MTUS2: variants seen among roughly 807,000 people sequenced by gnomAD.
MTUS2 encodes microtubule-associated tumor suppressor candidate 2.
In MTUS2, 40 loss-of-function variants were observed where a neutral mutation model predicts 114.1. That is an observed-to-expected ratio of 0.35 (90% CI 0.27 to 0.46). MTUS2 has a LOEUF of 0.46. Among genes scored for constraint, MTUS2 ranks in the 20% least tolerant of loss-of-function variants. The pLI is 1.00. For missense variants in MTUS2, 1,679 were observed against 1,705.4 expected, an observed-to-expected ratio of 0.98 and a Z score of 0.27; for synonymous variants, 688 against 672.0, an observed-to-expected ratio of 1.02 and a Z score of -0.37.
chr13:29,016,696 A>G (rs867641074), intron 2 of MTUS2, among the ~76,000 whole-genome samples: 4 of 152,138 alleles, frequency 2.6e-5, no homozygotes, highest in African/African-American at 7.2e-5. Context: ...TGCTACCTCA[A>G]TAAAAAAGAT....
chr13:29,471,644 C>T (rs1880305994), intron 9 of MTUS2, among the ~76,000 whole-genome samples: 1 of 152,096 alleles, frequency 6.6e-6, no homozygotes, highest in Non-Finnish European at 1.5e-5. Flanking sequence ...TCCTCCCTCC[C>T]ACTATTACCA....
At chr13:29,228,723 A>G (rs1288642022) in intron 5 of MTUS2, among the ~76,000 whole-genome samples, 1 of 152,090 alleles carries the variant, frequency 6.6e-6, no homozygotes, top group Admixed American at 6.6e-5. Context: ...GAGAGGATGA[A>G]GGAAGCAAAA....
At chr13:29,464,915 C>T (rs1267110080) in intron 9 of MTUS2, among the ~76,000 whole-genome samples, 4 of 145,652 alleles carry the variant, frequency 2.7e-5, no homozygotes, top group Non-Finnish European at 4.4e-5. Flanking sequence ...CTAATTCTAA[C>T]GCATGCTCGA....
At chr13:29,027,377 G>A (rs1218625592) in intron 3 of MTUS2, among the ~76,000 whole-genome samples, 4 of 152,128 alleles carry the variant, frequency 2.6e-5, no homozygotes, top group Non-Finnish European at 5.9e-5. Flanking sequence ...CGGTGTGTTA[G>A]GCATGGACTC....
Position 29,498,408 on chromosome 13 carries a change from G to T in MTUS2, c.3679-10G>T, listed in dbSNP as rs201305825. On this transcript the variant is annotated splice_polypyrimidine_tract_variant and intron_variant, in intron 13 of 15. Coordinates refer to ENST00000612955, the MANE Select transcript of MTUS2 (RefSeq NM_001033602.4). Reference sequence around the variant, plus strand: ...CCTGGTCAACAGCTCATGGCTCTCTGCCTCTGTAGATTGCATTGGCTCCTT... The same window carrying T: ...CCTGGTCAACAGCTCATGGCTCTCTTCCTCTGTAGATTGCATTGGCTCCTT... The T allele has an allele frequency of 1.1e-4, 180 of 1,614,000 alleles. 1 individual carries two copies. The East Asian group carries it at 3.6e-3, about 32-fold the overall frequency.
intron 5 of MTUS2, among the ~76,000 whole-genome samples, chr13:29,129,808 G>A (rs1468859485): frequency 6.6e-6 from 1 of 152,136 alleles, no homozygotes; most frequent in East Asian, 1.9e-4. Flanking sequence ...GTTGGGCTTG[G>A]GCTGTCATCA....
chr13:29,147,908 A>G (rs1462239039), intron 5 of MTUS2, among the ~76,000 whole-genome samples: 1 of 152,128 alleles, frequency 6.6e-6, no homozygotes, highest in African/African-American at 2.4e-5. Flanking sequence ...ATATGCATAC[A>G]TGTCTCTTTT....
intron 5 of MTUS2, among the ~76,000 whole-genome samples, chr13:29,139,431 T>C (rs933783090): frequency 1.3e-5 from 2 of 152,216 alleles, no homozygotes; most frequent in African/African-American, 2.4e-5. Flanking sequence ...TTTTAACTTA[T>C]AATAAATAGT....
chr13:29,257,643 T>G (rs3011445), intron 5 of MTUS2, among the ~76,000 whole-genome samples: 25,806 of 152,056 alleles, frequency 0.17, 2,904 homozygotes, highest in East Asian at 0.47. Flanking sequence ...TGGAAATAAT[T>G]TATATCTTAG....
At chr13:28,946,182 A>G (rs1393582094) in intron 2 of MTUS2, among the ~76,000 whole-genome samples, 2 of 152,226 alleles carry the variant, frequency 1.3e-5, no homozygotes, top group African/African-American at 4.8e-5. Context: ...GCTAGAAGTA[A>G]CTAGCATGTA....
At chr13:28,898,452 T>C (rs989364744) in intron 2 of MTUS2, among the ~76,000 whole-genome samples, 7 of 152,230 alleles carry the variant, frequency 4.6e-5, no homozygotes, top group Non-Finnish European at 7.3e-5. Flanking sequence ...CTTTCCACAG[T>C]GGTTTGTCTT....
intron 5 of MTUS2, among the ~76,000 whole-genome samples, chr13:29,135,740 T>A (rs1025349269): frequency 5.3e-5 from 8 of 152,196 alleles, no homozygotes; most frequent in South Asian, 2.1e-4. Context: ...ACATTTAACA[T>A]CCTAAAGTTA....
intron 9 of MTUS2, among the ~76,000 whole-genome samples, chr13:29,450,401 C>T (rs968474071): frequency 1.3e-5 from 2 of 152,048 alleles, no homozygotes; most frequent in African/African-American, 4.8e-5. Context: ...TAGGTGAGGG[C>T]AAAGGATCTA....
At chr13:29,384,319 A>G (rs1872485495) in intron 8 of MTUS2, among the ~76,000 whole-genome samples, 2 of 152,248 alleles carry the variant, frequency 1.3e-5, no homozygotes, top group Admixed American at 1.3e-4. Context: ...TGTTAGAATT[A>G]TAATTATTTA....
chr13:28,957,379 A>G (rs893233897), intron 2 of MTUS2, among the ~76,000 whole-genome samples: 1 of 152,160 alleles, frequency 6.6e-6, no homozygotes, highest in African/African-American at 2.4e-5. Flanking sequence ...TACTTTCCTT[A>G]TTCTATTACA....
At position 29,073,586 on chromosome 13, in the gene MTUS2, A is replaced by G. The variant is rs139685912; in HGVS notation, c.2447-27187A>G. ...TTACCCTTTACCTTTTGCTACATAG[A>G]TTTTTAAAATCAAAAGCATGAGGTC... On this transcript the variant is annotated intron_variant, in intron 4 of 15. Transcript: ENST00000612955. Among the ~76,000 whole-genome samples, 589 of 152,152 alleles carry G rather than the reference A, an allele frequency of 3.9e-3. 4 individuals carry two copies. Among genetic ancestry groups the G allele is most frequent in the African/African-American group, 0.014 (565 of 41,434 alleles).
intron 2 of MTUS2, among the ~76,000 whole-genome samples, chr13:28,898,429 C>A (rs956077395): frequency 6.6e-6 from 1 of 152,202 alleles, no homozygotes; most frequent in Admixed American, 6.5e-5. Flanking sequence ...TTGTTTGGGG[C>A]CAGAGCCCTG....
At chr13:29,449,013 CAA>C (rs1274557992) in intron 9 of MTUS2, among the ~76,000 whole-genome samples, 1 of 152,018 alleles carries the variant, frequency 6.6e-6, no homozygotes, top group African/African-American at 2.4e-5. Context: ...CTCGGCCTCC[CAA>C]AGTGTTGGGA....
chr13:29,065,165 A>G (rs955801784), intron 4 of MTUS2, among the ~76,000 whole-genome samples: 2 of 152,198 alleles, frequency 1.3e-5, no homozygotes, highest in Non-Finnish European at 2.9e-5. Flanking sequence ...GCTGGGTTGA[A>G]TGGTAGTTCT....
Sources: gnomAD v4.1 joint callset for allele counts (sites outside exome capture counted in the v4.1 genomes callset) on GRCh38, gnomAD v4.1.1 for gene constraint, MANE v1.5 for transcripts, NCBI Gene and HGNC (gene_info 2026-07-23, HGNC 2026-07-21) for gene names.